Variants in TRIM62 observed in about 807,000 individuals in gnomAD.
TRIM62 encodes tripartite motif containing 62, also known as E3 ubiquitin-protein ligase TRIM62.
TRIM62 carries 39 observed loss-of-function variants against 44.2 expected under a neutral mutation model. The observed-to-expected ratio is 0.88, with a 90% CI of 0.68 to 1.15. The LOEUF (loss-of-function observed/expected upper bound fraction) is 1.15, where lower values mean the gene tolerates loss of function less well. Among genes scored for constraint, TRIM62 ranks in the 50% most tolerant of loss-of-function variants. The pLI is 0.00. For missense variants in TRIM62, 544 were observed against 665.5 expected, an observed-to-expected ratio of 0.82 and a Z score of 2.01; for synonymous variants, 278 against 292.3, an observed-to-expected ratio of 0.95 and a Z score of 0.50.
intron 2 of TRIM62, chr1:33,164,362 G>A (rs1342741818): frequency 1.3e-5 from 2 of 152,250 alleles, no homozygotes; most frequent in African/African-American, 4.8e-5. Context: ...GACAGAGCGG[G>A]GTCAGCCTGA....
At position 33,161,578 on chromosome 1, in the gene TRIM62, C is replaced by G. The variant is rs995036815; in HGVS notation, c.505-1634G>C. Among the ~76,000 whole-genome samples the G allele has an allele frequency of 9.2e-5, 14 of 152,076 alleles. No homozygotes were observed. The highest frequency in any genetic ancestry group is 3.4e-4 in the African/African-American group (14 of 41,416). ...TCGCTGCGCATGCCCACCCAGAACG[C>G]CAGGCAGACAAAGGGGGGCGGACGA... is the stretch of plus-strand genomic sequence containing the variant. On this transcript the variant is annotated intron_variant, in intron 2 of 4. Coordinates refer to ENST00000291416, the MANE Select transcript of TRIM62 (RefSeq NM_018207.3). The surrounding 1 kb of genome is among the most constrained non-coding windows in gnomAD (Gnocchi z 4.3).
At position 33,159,344 on chromosome 1, in the gene TRIM62, G is replaced by T. The variant is rs896872339; in HGVS notation, c.761+344C>A. Among the ~76,000 whole-genome samples, 1 of 151,962 alleles carries T rather than the reference G, an allele frequency of 6.6e-6. No individual in the cohort carries two copies. The highest frequency in any genetic ancestry group is 1.9e-4 in the East Asian group (1 of 5,200). The stretch of plus-strand genomic sequence containing the variant: ...CTACCTACTATCTATAATGTATACA[G>T]AATATATTACATATATAATAATGTA... On this transcript the variant is annotated intron_variant, in intron 3 of 4. Coordinates refer to ENST00000291416, the MANE Select transcript of TRIM62 (RefSeq NM_018207.3). This position sits in a 1 kb window ranked among gnomAD's most constrained non-coding sequence, Gnocchi z 4.2.
chr1:33,179,931 T>C (rs2147992903), intron 1 of TRIM62, among the ~76,000 whole-genome samples: 1 of 152,338 alleles, frequency 6.6e-6, no homozygotes, highest in East Asian at 1.9e-4. Flanking sequence ...ATAAAAAATA[T>C]ACTATATTTC....
rs1645022406 is a variant in TRIM62 at position 33,146,421 on chromosome 1, C to A, written c.*756G>T. On this transcript the variant is annotated 3_prime_UTR_variant, in exon 5 of 5. Transcript: ENST00000291416. ...ACTCTTGTTCAGAGCTACTGGGGAC[C>A]TCGATCATCCAGGGAGGCTTGTCCT... The A allele has an allele frequency of 6.3e-6, 1 of 159,584 alleles. No homozygotes were observed. Among genetic ancestry groups the A allele is most frequent in the Non-Finnish European group, 1.4e-5 (1 of 72,242 alleles). 9.9% of individuals were successfully genotyped at this position (159,584 alleles called of 1,614,324 possible). A position where few individuals can be genotyped will look rare whatever the true frequency, so the allele number is the denominator to read the frequency against.
In TRIM62 at chr1:33,158,316, A is replaced by T; in HGVS notation, c.814T>A (p.Ser272Thr). Residue 272 changes from serine (S) to threonine (T), a missense_variant, in exon 4 of 5, where the codon TCC (serine) becomes ACC (threonine). Transcript: ENST00000291416. The stretch of plus-strand genomic sequence containing the variant: ...TACTGCAGGGGGCCTGTGTACTTGG[A>T]GGTCGGGAAGTCTTCATATGTGAGG... The part of the protein sequence containing the change: ...TNLTYEDFPT[S>T]KYTGPLQYTI... The T allele has an allele frequency of 6.2e-7, 1 of 1,613,988 alleles. No individual in the cohort carries two copies. Among genetic ancestry groups the T allele is most frequent in the Non-Finnish European group, 8.5e-7 (1 of 1,179,912 alleles).
intron 4 of TRIM62, among the ~76,000 whole-genome samples, chr1:33,153,285 G>T (rs1282589956): frequency 6.6e-6 from 1 of 152,240 alleles, no homozygotes; most frequent in African/African-American, 2.4e-5. Context: ...CAGCCAACCA[G>T]GCTGCTGCTC....
At chr1:33,170,674 A>T (rs1378032076) in intron 1 of TRIM62, among the ~76,000 whole-genome samples, 1 of 152,144 alleles carries the variant, frequency 6.6e-6, no homozygotes, top group Non-Finnish European at 1.5e-5. Context: ...CAAACCCTAG[A>T]GTCCAGAAGG....
At chr1:33,174,918 TACACAC>T (rs56409929) in intron 1 of TRIM62, among the ~76,000 whole-genome samples, 2 of 137,382 alleles carry the variant, frequency 1.5e-5, no homozygotes, top group South Asian at 2.3e-4. Flanking sequence ...TATATATATA[TACACAC>T]ACACACATAC....
chr1:33,176,332 A>C (rs1298680407), intron 1 of TRIM62: 1 of 632,152 alleles, frequency 1.6e-6, no homozygotes, highest in African/African-American at 1.8e-5. Flanking sequence ...CAGAGCCGAA[A>C]TTTGAACCTA....
chr1:33,163,192 C>T (rs945926864), intron 2 of TRIM62: 1 of 152,196 alleles, frequency 6.6e-6, no homozygotes, highest in Non-Finnish European at 1.5e-5. Flanking sequence ...GCACCCACCA[C>T]CATGCCCAGC....
chr1:33,166,659 C>T (rs1270627920), intron 1 of TRIM62, among the ~76,000 whole-genome samples: 2 of 152,140 alleles, frequency 1.3e-5, no homozygotes, highest in Admixed American at 6.5e-5. Context: ...AATTGGAACC[C>T]GGACAGCCTG....
At chr1:33,154,588 A>G (rs1645148455) in intron 4 of TRIM62, among the ~76,000 whole-genome samples, 1 of 151,850 alleles carries the variant, frequency 6.6e-6, no homozygotes, top group Admixed American at 6.6e-5. Flanking sequence ...TCACGAGGTC[A>G]GGAGTTCAAG....
In TRIM62 at chr1:33,159,847, T is replaced by C; in HGVS notation, c.602A>G (p.Glu201Gly). 6.2e-7 allele frequency: 1 copy of C among 1,613,514 alleles called. No homozygotes were observed. Among genetic ancestry groups the C allele is most frequent in the Non-Finnish European group, 8.5e-7 (1 of 1,180,002 alleles). ...GGTCAGCGTGCGGGCCGTGTCCGCC[T>C]CCAGCTCCTCTAGCATGGCCTTCTG... ...ERQKAMLEEL[E>G]ADTARTLTDI... The change falls in exon 3 of 5, where the codon GAG (glutamate) becomes GGG (glycine). Residue 201 changes from glutamate to glycine, a missense_variant. Glu to Gly is a moderately conservative substitution (Grantham distance 98, BLOSUM62 -2). Coordinates refer to ENST00000291416, the MANE Select transcript of TRIM62 (RefSeq NM_018207.3). This position sits in a 1 kb window ranked among gnomAD's most constrained non-coding sequence, Gnocchi z 4.2.
Position 33,146,271 on chromosome 1 carries a change from C to T in TRIM62, c.*906G>A. The T allele has an allele frequency of 5.0e-6, 1 of 198,350 alleles. No individual in the cohort carries two copies. The highest frequency in any genetic ancestry group is 8.3e-5 in the South Asian group (1 of 12,094). The allele number at this position is 198,350 out of a possible 1,614,324, so 12.3% of individuals were successfully genotyped here. On this transcript the variant is annotated 3_prime_UTR_variant, in exon 5 of 5. Coordinates refer to ENST00000291416, the MANE Select transcript of TRIM62 (RefSeq NM_018207.3). ...GCAGGATCCTAACTGAGATAGATGC[C>T]AAGTCTGACAAGGGGTCCAGCCAAC...
rs1260357145 is a variant in TRIM62, at chr1:33,177,510, T to C, written c.408+3515A>G. ...AATCTGGAGTACAAAGCAATTGTGC[T>C]TAGTAGGTCAGGGAAGGCTTCACAG... On this transcript the variant is annotated intron_variant, in intron 1 of 4. Coordinates refer to ENST00000291416, the MANE Select transcript of TRIM62 (RefSeq NM_018207.3). The surrounding 1 kb of genome is among the most constrained non-coding windows in gnomAD (Gnocchi z 4.1). Among the ~76,000 whole-genome samples the C allele has an allele frequency of 6.6e-6, 1 of 152,160 alleles. No individual in the cohort carries two copies. Among genetic ancestry groups the C allele is most frequent in the Non-Finnish European group, 1.5e-5 (1 of 68,008 alleles).
At chr1:33,154,523 G>A (rs191165370) in intron 4 of TRIM62, among the ~76,000 whole-genome samples, 2 of 152,202 alleles carry the variant, frequency 1.3e-5, no homozygotes, top group Admixed American at 1.3e-4. Flanking sequence ...TTTGAGGCTG[G>A]GCGCGGTGGC....
chr1:33,167,474 C>T lies in TRIM62; in HGVS notation c.409-1908G>A, dbSNP rs1285790387. Among the ~76,000 whole-genome samples, 1 of 152,192 alleles carries T rather than the reference C, an allele frequency of 6.6e-6. No homozygotes were observed. Among genetic ancestry groups the T allele is most frequent in the Non-Finnish European group, 1.5e-5 (1 of 68,032 alleles). On this transcript the variant is annotated intron_variant, in intron 1 of 4. Coordinates refer to ENST00000291416, the MANE Select transcript of TRIM62 (RefSeq NM_018207.3). The surrounding 1 kb of genome is among the most constrained non-coding windows in gnomAD (Gnocchi z 4.2). ...TTGGGAATCTAGCCCATTGTATTAT[C>T]GCCAGTTGTTCTCCTGTCTGTCTCT...
At chr1:33,175,142 G>A (rs368197851) in intron 1 of TRIM62, among the ~76,000 whole-genome samples, 12 of 151,622 alleles carry the variant, frequency 7.9e-5, no homozygotes, top group African/African-American at 2.9e-4. Flanking sequence ...CGGTTCAAGC[G>A]ATTCTCGTGC....
chr1:33,147,986 G>A lies in TRIM62; in HGVS notation c.878-259C>T, dbSNP rs1645044228. Among the ~76,000 whole-genome samples, 1 of 152,220 alleles carries A rather than the reference G, an allele frequency of 6.6e-6. No individual in the cohort carries two copies. Among genetic ancestry groups the A allele is most frequent in the Non-Finnish European group, 1.5e-5 (1 of 68,046 alleles). On this transcript the variant is annotated intron_variant, in intron 4 of 4. Coordinates refer to ENST00000291416, the MANE Select transcript of TRIM62 (RefSeq NM_018207.3). This position sits in a 1 kb window ranked among gnomAD's most constrained non-coding sequence, Gnocchi z 8.1. ...GCTTGTTCACTGCCTGATGCCCAGG[G>A]CGGAGCACATAGTGGGCACTGGCAA...
Sources: allele counts gnomAD v4.1 joint callset (sites outside exome capture counted in the v4.1 genomes callset), GRCh38; gene constraint gnomAD v4.1.1; non-coding constraint Gnocchi (gnomAD v3.1); transcripts MANE v1.5; gene names NCBI Gene and HGNC (gene_info 2026-07-23, HGNC 2026-07-21).